PNPLA7: variants seen among roughly 807,000 people sequenced by gnomAD.
PNPLA7 encodes the protein patatin like domain 7, lysophospholipase.
PNPLA7 carries 153 observed loss-of-function variants against 161.7 expected under a neutral mutation model. The observed-to-expected ratio is 0.95, with a 90% confidence interval of 0.83 to 1.08. The LOEUF is 1.08. PNPLA7 is among the 50% of genes least tolerant of loss of function. The pLI is 0.00. For missense variants in PNPLA7, 1,739 were observed against 1,856.6 expected (o/e 0.94, Z 1.16); for synonymous variants, 809 against 782.1 (o/e 1.03, Z -0.57).
chr9:137,474,720 A>G (rs1205675301), intron 25 of PNPLA7, among the ~76,000 whole-genome samples: 2 of 152,160 alleles, frequency 1.3e-5, no homozygotes, highest in South Asian at 4.2e-4. Flanking sequence ...GACCATCAGA[A>G]GCTCCAGGAA....
chr9:137,532,155 G>C (rs1415412912), intron 8 of PNPLA7, among the ~76,000 whole-genome samples: 2 of 152,146 alleles, frequency 1.3e-5, no homozygotes, highest in Admixed American at 1.3e-4. Flanking sequence ...TGGTGGGTTG[G>C]GCCAGGCACG....
chr9:137,467,373 AC>A lies in PNPLA7; in HGVS notation c.2982del (p.Tyr995ThrfsTer21), dbSNP rs1369898164. ...TGGCTGTAGTTCCGCTCCTCAGAGT[AC>A]AGGGCACCCACGAAGGCCCCGATGG... is the stretch of plus-strand genomic sequence containing the variant. ...GTSIGAFVGA[L>X]YSEERNYSQM... On this transcript the variant is annotated frameshift_variant, in exon 26 of 35. Transcript: ENST00000406427. LOFTEE classifies it high-confidence loss of function. This position sits in a 1 kb window ranked among gnomAD's most constrained non-coding sequence, Gnocchi z 5.1. 6.2e-7 allele frequency: 1 copy of A among 1,613,560 alleles called. No homozygotes were observed. Among genetic ancestry groups the A allele is most frequent in the South Asian group, 1.1e-5 (1 of 91,084 alleles).
chr9:137,540,384 T>C lies in PNPLA7; in HGVS notation c.747+258A>G, dbSNP rs1389328936. Reference sequence around the variant, plus strand: ...CTTTTGAATGCTGAACCACATGCATTTATGACCCAGTTCAACAACAGTCAT... The same window carrying C: ...CTTTTGAATGCTGAACCACATGCATCTATGACCCAGTTCAACAACAGTCAT... On this transcript the variant is annotated intron_variant, in intron 8 of 34. Coordinates refer to ENST00000406427, the MANE Select transcript of PNPLA7 (RefSeq NM_001098537.3). The surrounding 1 kb of genome is among the most constrained non-coding windows in gnomAD (Gnocchi z 5.1). Among the ~76,000 whole-genome samples, 1 of 152,170 alleles carries C rather than the reference T, an allele frequency of 6.6e-6. No individual in the cohort carries two copies. The highest frequency in any genetic ancestry group is 1.5e-5 in the Non-Finnish European group (1 of 68,016).
At chr9:137,497,101 T>G (rs1588603480) in intron 18 of PNPLA7, 86 bp downstream of exon 18, 1 of 1,320,760 alleles carries the variant, frequency 7.6e-7, no homozygotes, top group South Asian at 2.1e-5. Context: ...CCCAAGTAAC[T>G]GGCCAGGCCA....
In PNPLA7 at chr9:137,547,796, C is replaced by T; in HGVS notation, c.31-137G>A. 1 of 776,980 alleles carries T rather than the reference C, an allele frequency of 1.3e-6. No homozygotes were observed. Among genetic ancestry groups the T allele is most frequent in the Non-Finnish European group, 2.1e-6 (1 of 467,652 alleles). The allele number at this position is 776,980 out of a possible 1,614,324, so 48.1% of individuals were successfully genotyped here. A position where few individuals can be genotyped will look rare whatever the true frequency, so the allele number is the denominator to read the frequency against. On this transcript the variant is annotated intron_variant, in intron 1 of 34. Coordinates refer to ENST00000406427, the MANE Select transcript of PNPLA7 (RefSeq NM_001098537.3). The surrounding 1 kb of genome is among the most constrained non-coding windows in gnomAD (Gnocchi z 4.6). The stretch of plus-strand genomic sequence containing the variant: ...GACTTCTGGGAAGAAGTGATCTCGC[C>T]CGGGGTGCCGGGGTCCTCTGAGCCC...
Position 137,547,809 on chromosome 9 carries a change from G to A in PNPLA7, c.31-150C>T, listed in dbSNP as rs1256826491. On this transcript the variant is annotated intron_variant, in intron 1 of 34. Coordinates refer to ENST00000406427, the MANE Select transcript of PNPLA7 (RefSeq NM_001098537.3). The surrounding 1 kb of genome is among the most constrained non-coding windows in gnomAD (Gnocchi z 4.6). ...AAGTGATCTCGCCCGGGGTGCCGGG[G>A]TCCTCTGAGCCCCCTGCTAGGAAGC... 1.4e-6 allele frequency: 1 copy of A among 733,758 alleles called. No homozygotes were observed. Among genetic ancestry groups the A allele is most frequent in the Non-Finnish European group, 2.3e-6 (1 of 432,320 alleles). The allele number at this position is 733,758 out of a possible 1,614,324, so 45.5% of individuals were successfully genotyped here. A position where few individuals can be genotyped will look rare whatever the true frequency, so the allele number is the denominator to read the frequency against.
At chr9:137,517,717 C>G (rs1834685827) in intron 11 of PNPLA7, among the ~76,000 whole-genome samples, 1 of 78,742 alleles carries the variant, frequency 1.3e-5, no homozygotes, top group African/African-American at 7.2e-5. Flanking sequence ...ATCCCCCACT[C>G]ACTCACTCCA....
At chr9:137,535,709 C>CG (rs1013422271) in intron 8 of PNPLA7, among the ~76,000 whole-genome samples, 5 of 149,060 alleles carry the variant, frequency 3.4e-5, no homozygotes, top group African/African-American at 1.2e-4. Flanking sequence ...GCTGAGATCA[C>CG]GCCATTGCAC....
Position 137,480,474 on chromosome 9 carries a change from G to A in PNPLA7, c.2418C>T (p.His806=), listed in dbSNP as rs375136543. 9 of 1,610,446 alleles carry A rather than the reference G, an allele frequency of 5.6e-6. No homozygotes were observed. Among genetic ancestry groups the A allele is most frequent in the South Asian group, 3.3e-5 (3 of 90,848 alleles). Residue 806 remains histidine (H), a synonymous_variant, in exon 23 of 35, where the codon CAC becomes CAT. Coordinates refer to ENST00000406427, the MANE Select transcript of PNPLA7 (RefSeq NM_001098537.3). ...RLGSAALDSV[H]EYRLSSWLGQ... ...CCAGCCAGCTGGACAGCCGGTACTCGTGAACACTGCAGCACGCAGAGGGAG... is the reference window on the plus strand; with the variant it reads ...CCAGCCAGCTGGACAGCCGGTACTCATGAACACTGCAGCACGCAGAGGGAG...
chr9:137,497,295 G>C lies in PNPLA7; in HGVS notation c.1905C>G (p.Ser635=). ...GRAIYRQGDK[S]DCTYIMLSGR... ...CGCTGAGCATGATGTACGTGCAGTCGGACTTGTCCCCCTGCCTGCGGAAGA... is the reference window on the plus strand; with the variant it reads ...CGCTGAGCATGATGTACGTGCAGTCCGACTTGTCCCCCTGCCTGCGGAAGA... The change falls in exon 18 of 35, where the codon TCC becomes TCG. Residue 635 remains serine, a synonymous_variant. Transcript: ENST00000406427. The C allele has an allele frequency of 6.4e-7, 1 of 1,572,878 alleles. No homozygotes were observed. Among genetic ancestry groups the C allele is most frequent in the East Asian group, 2.4e-5 (1 of 41,564 alleles).
chr9:137,461,810 C>A, intron 32 of PNPLA7, 121 bp downstream of exon 32: 2 of 1,251,734 alleles, frequency 1.6e-6, no homozygotes, highest in Non-Finnish European at 1.1e-6. Context: ...AGTCTTTGGC[C>A]AGGGGGGCAG....
At position 137,543,788 on chromosome 9, in the gene PNPLA7, C is replaced by T; in HGVS notation, c.301G>A (p.Glu101Lys). 6.2e-7 allele frequency: 1 copy of T among 1,613,932 alleles called. No individual in the cohort carries two copies. The highest frequency in any genetic ancestry group is 8.5e-7 in the Non-Finnish European group (1 of 1,179,984). The change falls in exon 5 of 35, where the codon GAG (glutamate) becomes AAG (lysine). Residue 101 changes from glutamate to lysine, a missense_variant. Glu to Lys is a moderately conservative substitution (Grantham distance 56). This residue lies in a region of PNPLA7 where 209 missense variants were observed against 252.8 expected (regional missense o/e 0.83). Transcript: ENST00000406427. The surrounding 1 kb of genome is among the most constrained non-coding windows in gnomAD (Gnocchi z 6.9). ...KVTTLPNTLVENTALPRQRAR... is the reference protein window; with the variant it reads ...KVTTLPNTLVKNTALPRQRAR... ...CGCTGCCGGGGCAGGGCAGTGTTCT[C>T]CACAAGGGTGTTGGGGAGTGTGGTC... is the stretch of plus-strand genomic sequence containing the variant.
chr9:137,460,766 C>T (rs748009003), intron 33 of PNPLA7, 29 bp from the exon 34 acceptor site: 2 of 1,593,094 alleles, frequency 1.3e-6, no homozygotes, highest in South Asian at 2.2e-5. Flanking sequence ...CTGCGTCAGT[C>T]CCCTCCCAAG....
At chr9:137,509,826 T>C in intron 12 of PNPLA7, 1 of 420,662 alleles carries the variant, frequency 2.4e-6, no homozygotes, top group Non-Finnish European at 4.9e-6. Context: ...TGTTCCAGTA[T>C]AATAAAATAT....
intron 25 of PNPLA7, among the ~76,000 whole-genome samples, chr9:137,475,084 T>C (rs972578203): frequency 1.3e-5 from 2 of 151,698 alleles, no homozygotes; most frequent in Non-Finnish European, 2.9e-5. Context: ...CATTTTCATT[T>C]AGAAAAATTA....
chr9:137,498,068 T>G, intron 17 of PNPLA7, 46 bp downstream of exon 17: 1 of 1,591,802 alleles, frequency 6.3e-7, no homozygotes, highest in Non-Finnish European at 8.6e-7. Context: ...AGCTCCTGCA[T>G]GCCAGGGCAG....
Position 137,543,694 on chromosome 9 carries a change from G to A in PNPLA7, c.365+30C>T, listed in dbSNP as rs556272314. ...GCCAGCACCATGGGGGGCACCTGGG[G>A]CAGGATGTGGTCTGAAGGACACACA... is the stretch of plus-strand genomic sequence containing the variant. On this transcript the variant is annotated intron_variant, in intron 5 of 34. Coordinates refer to ENST00000406427, the MANE Select transcript of PNPLA7 (RefSeq NM_001098537.3). The surrounding 1 kb of genome is among the most constrained non-coding windows in gnomAD (Gnocchi z 6.9). 10 of 1,612,472 alleles carry A rather than the reference G, an allele frequency of 6.2e-6. No individual in the cohort carries two copies. In the South Asian group the frequency reaches 1.1e-4, roughly 18 times the overall value.
rs138989139 is a variant in PNPLA7, at chr9:137,494,452, C to T, written c.2127+581G>A. ...GCTCTAATCTTCACCTCCTCCAGGT[C>T]GTTTTCCATCCATGTGTAGGTAGAC... On this transcript the variant is annotated intron_variant, in intron 19 of 34. Coordinates refer to ENST00000406427, the MANE Select transcript of PNPLA7 (RefSeq NM_001098537.3). Among the ~76,000 whole-genome samples, 5 of 152,296 alleles carry T rather than the reference C, an allele frequency of 3.3e-5. No homozygotes were observed. The East Asian group carries it at 7.7e-4, about 24-fold the overall frequency.
intron 1 of PNPLA7, among the ~76,000 whole-genome samples, chr9:137,549,323 T>C (rs1836716717): frequency 2.0e-5 from 3 of 151,924 alleles, no homozygotes; most frequent in Admixed American, 6.6e-5. Flanking sequence ...ATCCCTGCAC[T>C]TTGGGAGGCC....
Sources: gnomAD v4.1 joint callset for allele counts (sites outside exome capture counted in the v4.1 genomes callset) on GRCh38, gnomAD v4.1.1 for gene constraint, gnomAD v4.1.1 regional missense constraint, Gnocchi (gnomAD v3.1) non-coding constraint, MANE v1.5 for transcripts, NCBI Gene and HGNC (gene_info 2026-07-23, HGNC 2026-07-21) for gene names.